Variants in MYT1L observed in about 807,000 individuals in gnomAD.
MYT1L encodes the protein myelin transcription factor 1-like protein.
MYT1L carries 12 observed loss-of-function variants against 126.7 expected under a neutral mutation model. The observed-to-expected ratio is 0.09, with a 90% CI of 0.06 to 0.15. The LOEUF (loss-of-function observed/expected upper bound fraction) is 0.15, where lower values mean the gene tolerates loss of function less well. Ranked by LOEUF, MYT1L falls within the 10% of genes least tolerant of loss-of-function variation. MYT1L has a pLI of 1.00. For missense variants in MYT1L, 979 were observed against 1,585.2 expected, an observed-to-expected ratio of 0.62 and a Z score of 6.49; for synonymous variants, 541 against 604.2, an observed-to-expected ratio of 0.90 and a Z score of 1.53.
chr2:2,096,715 T>C (rs1480870224), intron 3 of MYT1L, among the ~76,000 whole-genome samples: 2 of 151,990 alleles, frequency 1.3e-5, no homozygotes, highest in Non-Finnish European at 2.9e-5. Context: ...GAGTGTGGAG[T>C]TATCCTACCC....
intron 5 of MYT1L, among the ~76,000 whole-genome samples, chr2:1,990,792 G>A (rs1048792643): frequency 1.3e-5 from 2 of 152,172 alleles, no homozygotes; most frequent in African/African-American, 2.4e-5. Flanking sequence ...AGGCCCAGTC[G>A]TCTAGAGCCC....
intron 1 of MYT1L, among the ~76,000 whole-genome samples, chr2:2,311,333 C>G (rs1302859070): frequency 6.6e-6 from 1 of 152,198 alleles, no homozygotes; most frequent in Non-Finnish European, 1.5e-5. Flanking sequence ...GCTGATGTAT[C>G]TAGACAAGGA....
chr2:1,948,850 A>G (rs1029337843), intron 8 of MYT1L, among the ~76,000 whole-genome samples: 7 of 152,234 alleles, frequency 4.6e-5, no homozygotes, highest in Admixed American at 6.5e-5. Flanking sequence ...AACATCCACA[A>G]TGCACTGACA....
chr2:2,107,763 G>C (rs1447257798), intron 3 of MYT1L, among the ~76,000 whole-genome samples: 4 of 152,290 alleles, frequency 2.6e-5, no homozygotes, highest in African/African-American at 9.6e-5. Flanking sequence ...AGGATTCTCA[G>C]AATAGACGTT....
intron 10 of MYT1L, among the ~76,000 whole-genome samples, chr2:1,919,953 C>T (rs1202091771): frequency 1.5e-5 from 2 of 137,266 alleles, no homozygotes; most frequent in African/African-American, 3.2e-5. Context: ...CTCCTGACCT[C>T]GTGATCCACC....
rs143352610 is a variant in MYT1L, at chr2:1,942,941, C to T, written c.505+41G>A. On this transcript the variant is annotated intron_variant, in intron 9 of 24. Coordinates refer to ENST00000647738, the MANE Select transcript of MYT1L (RefSeq NM_001303052.2). Reference sequence around the variant, plus strand: ...GGCAATTCACCTTGAACAGTGGACCCAAATCACGACTTGTTACTTTGCTAA... The same window carrying T: ...GGCAATTCACCTTGAACAGTGGACCTAAATCACGACTTGTTACTTTGCTAA... 29 of 1,489,494 alleles carry T rather than the reference C, an allele frequency of 1.9e-5. 1 individual carries two copies. In the East Asian group the frequency reaches 7.2e-4, roughly 37 times the overall value. 92.3% of individuals were successfully genotyped at this position (1,489,494 alleles called of 1,614,324 possible).
chr2:1,987,152 CA>C (rs2061094854), intron 5 of MYT1L, among the ~76,000 whole-genome samples: 2 of 152,218 alleles, frequency 1.3e-5, no homozygotes, highest in African/African-American at 4.8e-5. Flanking sequence ...GGAGAAAATT[CA>C]AAGAATCAGA....
At position 1,794,990 on chromosome 2, in the gene MYT1L, C is replaced by T. The variant is rs1418227900; in HGVS notation, c.3277-2526G>A. Reference sequence around the variant, plus strand: ...AAAACCAGAACCGACGGGTATCTGCCAGGTCTTGCAGCCTCACCTCCCTCA... The same window carrying T: ...AAAACCAGAACCGACGGGTATCTGCTAGGTCTTGCAGCCTCACCTCCCTCA... On this transcript the variant is annotated intron_variant, in intron 23 of 24. Transcript: ENST00000647738. Among the ~76,000 whole-genome samples, 4 of 152,196 alleles carry T rather than the reference C, an allele frequency of 2.6e-5. No individual in the cohort carries two copies. The East Asian group carries it at 7.7e-4, about 29-fold the overall frequency.
intron 2 of MYT1L, among the ~76,000 whole-genome samples, chr2:2,190,028 AGCCCAG>A (rs1270403222): frequency 2.0e-5 from 3 of 152,194 alleles, no homozygotes; most frequent in African/African-American, 7.2e-5. Context: ...TCTGAGAGGA[AGCCCAG>A]GTAACACCTC....
intron 19 of MYT1L, 65 bp from the exon 20 acceptor site, chr2:1,840,908 T>G: frequency 9.7e-7 from 1 of 1,036,048 alleles, no homozygotes; most frequent in East Asian, 2.7e-5. Context: ...TTCTTTCTTT[T>G]TTTTTTTTTT....
At chr2:1,830,443 AG>A (rs1219603851) in intron 21 of MYT1L, among the ~76,000 whole-genome samples, 1 of 151,146 alleles carries the variant, frequency 6.6e-6, no homozygotes. Flanking sequence ...CTGGAAGATA[AG>A]GAGGCATCAC....
intron 2 of MYT1L, among the ~76,000 whole-genome samples, chr2:2,179,639 C>T (rs184682831): frequency 6.6e-6 from 1 of 152,306 alleles, no homozygotes; most frequent in East Asian, 1.9e-4. Context: ...CCAAGTTCCA[C>T]AAGCATTGCT....
chr2:2,312,720 A>G (rs1573474250), intron 1 of MYT1L, among the ~76,000 whole-genome samples: 1 of 152,268 alleles, frequency 6.6e-6, no homozygotes, highest in East Asian at 1.9e-4. Flanking sequence ...TTTGGATCCC[A>G]TGGAGATAGA....
chr2:1,933,969 A>ATTTTTTT (rs920521570), intron 9 of MYT1L, among the ~76,000 whole-genome samples: 36 of 111,722 alleles, frequency 3.2e-4, no homozygotes, highest in Non-Finnish European at 5.1e-4. Flanking sequence ...TCTAATTTTG[A>ATTTTTTT]TTTTTTTTTT....
At chr2:1,861,997 A>ATCTGCCTGCAGCCTGTGT (rs1558192114) in intron 18 of MYT1L, among the ~76,000 whole-genome samples, 95 of 151,126 alleles carry the variant, frequency 6.3e-4, no homozygotes, top group Middle Eastern at 3.4e-3. Flanking sequence ...GTAATCCTGG[A>ATCTGCCTGCAGCCTGTGT]ATTCGCTGAG....
chr2:1,958,478 A>G (rs2058694387), intron 8 of MYT1L, among the ~76,000 whole-genome samples: 1 of 152,230 alleles, frequency 6.6e-6, no homozygotes, highest in African/African-American at 2.4e-5. Context: ...TACAGGTGTT[A>G]GGTGACTCAT....
At chr2:2,301,058 G>T (rs142715586) in intron 1 of MYT1L, among the ~76,000 whole-genome samples, 31 of 152,140 alleles carry the variant, frequency 2.0e-4, no homozygotes, top group Non-Finnish European at 4.0e-4. Context: ...CAGACCTTTT[G>T]CTCTGTGCCA....
chr2:2,110,499 C>T (rs960807942), intron 3 of MYT1L, among the ~76,000 whole-genome samples: 1 of 152,032 alleles, frequency 6.6e-6, no homozygotes, highest in African/African-American at 2.4e-5. Context: ...TCTGCTCTCA[C>T]TCGATTGGCT....
At position 2,226,651 on chromosome 2, in the gene MYT1L, C is replaced by T. The variant is rs140595851; in HGVS notation, c.-420-53663G>A. Among the ~76,000 whole-genome samples, 19 of 152,244 alleles carry T rather than the reference C, an allele frequency of 1.2e-4. No individual in the cohort carries two copies. The East Asian group carries it at 2.1e-3, about 17-fold the overall frequency. ...CTCCAAGGTTGGGCTTCCAAACCTC[C>T]GACCACATGACCTCTATCAACTCAT... On this transcript the variant is annotated intron_variant, in intron 2 of 24. Coordinates refer to ENST00000647738, the MANE Select transcript of MYT1L (RefSeq NM_001303052.2).
Sources: allele counts gnomAD v4.1 joint callset (sites outside exome capture counted in the v4.1 genomes callset), GRCh38; gene constraint gnomAD v4.1.1; transcripts MANE v1.5; gene names NCBI Gene and HGNC (gene_info 2026-07-23, HGNC 2026-07-21).